The following ROBO1 variants were observed in gnomAD, a reference collection of about 807,000 sequenced individuals.
The protein encoded by ROBO1 is roundabout homolog 1.
In ROBO1, 149 loss-of-function variants were observed where a neutral mutation model predicts 195.9. The observed-to-expected ratio is 0.76, with a 90% CI of 0.67 to 0.87. ROBO1 has a LOEUF of 0.87. Ranked by LOEUF, ROBO1 falls within the 40% of genes least tolerant of loss-of-function variation. ROBO1 has a pLI of 0.00. For missense variants in ROBO1, 1,933 were observed against 2,068.3 expected (o/e 0.93, Z 1.27); for synonymous variants, 816 against 733.2 (o/e 1.11, Z -1.82).
intron 2 of ROBO1, among the ~76,000 whole-genome samples, chr3:79,129,196 A>G (rs547299437): frequency 3.5e-4 from 53 of 152,266 alleles, no homozygotes; most frequent in African/African-American, 1.3e-3. Flanking sequence ...GTCCCTACCT[A>G]TGTTACATAT....
intron 3 of ROBO1, among the ~76,000 whole-genome samples, chr3:79,125,190 A>C (rs919429285): frequency 6.6e-6 from 1 of 152,228 alleles, no homozygotes; most frequent in Non-Finnish European, 1.5e-5. Context: ...TAGCAGTATC[A>C]AAGTTTCAGA....
chr3:78,928,737 T>C (rs1417034214), intron 4 of ROBO1, among the ~76,000 whole-genome samples: 1 of 152,214 alleles, frequency 6.6e-6, no homozygotes, highest in African/African-American at 2.4e-5. Context: ...GATTGCAACC[T>C]GTACTACACT....
chr3:78,970,417 T>C (rs2076737512), intron 3 of ROBO1, among the ~76,000 whole-genome samples: 1 of 152,152 alleles, frequency 6.6e-6, no homozygotes, highest in African/African-American at 2.4e-5. Flanking sequence ...AACAGCTCTT[T>C]TATCACAGGC....
chr3:79,662,759 G>A (rs886951369), intron 1 of ROBO1, among the ~76,000 whole-genome samples: 2 of 151,968 alleles, frequency 1.3e-5, no homozygotes, highest in Admixed American at 6.6e-5. Context: ...TGGAACAATG[G>A]CAGCGAATAT....
At chr3:79,716,057 T>C (rs1169839871) in intron 1 of ROBO1, among the ~76,000 whole-genome samples, 1 of 152,074 alleles carries the variant, frequency 6.6e-6, no homozygotes, top group Non-Finnish European at 1.5e-5. Context: ...AATTCCCCTT[T>C]ATAAAAAGTT....
chr3:79,515,606 A>G (rs935700356), intron 2 of ROBO1, among the ~76,000 whole-genome samples: 1 of 152,230 alleles, frequency 6.6e-6, no homozygotes, highest in Non-Finnish European at 1.5e-5. Flanking sequence ...TTCTCTCTAT[A>G]TATAGATTTA....
At position 79,621,179 on chromosome 3, in the gene ROBO1, C is replaced by T. The variant is rs914825675; in HGVS notation, c.-50-31218G>A. On this transcript the variant is annotated intron_variant, in intron 1 of 30. Coordinates refer to ENST00000464233, the MANE Select transcript of ROBO1 (RefSeq NM_002941.4). ...CCTGGTCTGTACTGCTGCAAGGCTT[C>T]AGGGACAGCCCTCATTACTTCAGTC... Among the ~76,000 whole-genome samples, 3 of 152,276 alleles carry T rather than the reference C, an allele frequency of 2.0e-5. No homozygotes were observed. The East Asian group carries it at 5.8e-4, about 29-fold the overall frequency.
chr3:79,378,139 ATC>A (rs1476785629), intron 2 of ROBO1, among the ~76,000 whole-genome samples: 3 of 143,836 alleles, frequency 2.1e-5, no homozygotes, highest in African/African-American at 8.2e-5. Flanking sequence ...AACATACTAA[ATC>A]TCTCTTATGG....
At position 79,714,898 on chromosome 3, in the gene ROBO1, AAAT is replaced by A. The variant is rs1232431688; in HGVS notation, c.-51+52851_-51+52853del. ...AGCATTAGGAGATATACCTAATGCTAAATAATGAGTTAATGGGTGCAGCACACC... is the reference window on the plus strand; with the variant it reads ...AGCATTAGGAGATATACCTAATGCTAAATGAGTTAATGGGTGCAGCACACC... On this transcript the variant is annotated intron_variant, in intron 1 of 30. Transcript: ENST00000464233. Among the ~76,000 whole-genome samples the A allele has an allele frequency of 7.3e-5, 11 of 150,466 alleles. No individual in the cohort carries two copies. In the East Asian group the frequency reaches 2.2e-3, roughly 30 times the overall value.
chr3:78,823,076 C>T (rs912840930), intron 4 of ROBO1, among the ~76,000 whole-genome samples: 1 of 152,122 alleles, frequency 6.6e-6, no homozygotes, highest in African/African-American at 2.4e-5. Flanking sequence ...AATGGCAAAA[C>T]TGAAATGCTG....
chr3:78,657,089 G>T lies in ROBO1; in HGVS notation c.2614+9C>A, dbSNP rs1380135120. 6.3e-7 allele frequency: 1 copy of T among 1,597,732 alleles called. No individual in the cohort carries two copies. The highest frequency in any genetic ancestry group is 1.3e-5 in the African/African-American group (1 of 74,640). The stretch of plus-strand genomic sequence containing the variant: ...GAGATTGTCAAACTGGATCTGCACT[G>T]ACACTCACCCAGCTGGATGAACTGA... On this transcript the variant is annotated intron_variant, in intron 18 of 30. Coordinates refer to ENST00000464233, the MANE Select transcript of ROBO1 (RefSeq NM_002941.4).
At chr3:78,757,765 T>A (rs1203381311) in intron 4 of ROBO1, among the ~76,000 whole-genome samples, 1 of 152,162 alleles carries the variant, frequency 6.6e-6, no homozygotes, top group African/African-American at 2.4e-5. Flanking sequence ...AATATTTCAG[T>A]GATAGAAAAA....
intron 3 of ROBO1, among the ~76,000 whole-genome samples, chr3:78,945,026 C>T (rs2040347774): frequency 6.6e-6 from 1 of 152,190 alleles, no homozygotes; most frequent in Non-Finnish European, 1.5e-5. Context: ...CCGGGAAGCT[C>T]AAACTGGGTG....
chr3:78,723,510 C>T (rs1368535571), intron 5 of ROBO1, among the ~76,000 whole-genome samples: 1 of 152,136 alleles, frequency 6.6e-6, no homozygotes, highest in East Asian at 1.9e-4. Context: ...CAGCATAAGA[C>T]TTAGAAACAA....
Position 79,477,432 on chromosome 3 carries a change from G to C in ROBO1, c.88+112392C>G, listed in dbSNP as rs139531930. Among the ~76,000 whole-genome samples, 522 of 152,282 alleles carry C rather than the reference G, an allele frequency of 3.4e-3. 2 individuals carry two copies. The highest frequency in any genetic ancestry group is 0.012 in the African/African-American group (499 of 41,560). On this transcript the variant is annotated intron_variant, in intron 2 of 30. Coordinates refer to ENST00000464233, the MANE Select transcript of ROBO1 (RefSeq NM_002941.4). The stretch of plus-strand genomic sequence containing the variant: ...TTGAATAGGTATAATGAGGATTTAT[G>C]AGGGTAAACAGTAAGTCCTTGAACA...
At chr3:79,417,977 C>T (rs2038073677) in intron 2 of ROBO1, among the ~76,000 whole-genome samples, 1 of 152,082 alleles carries the variant, frequency 6.6e-6, no homozygotes, top group Non-Finnish European at 1.5e-5. Context: ...CTATCTCACA[C>T]AAAATGGCCT....
intron 4 of ROBO1, among the ~76,000 whole-genome samples, chr3:78,884,529 A>G (rs1460018314): frequency 6.6e-6 from 1 of 151,512 alleles, no homozygotes; most frequent in Admixed American, 6.6e-5. Flanking sequence ...AGATGGGAGG[A>G]TTGCCCCTCA....
At chr3:79,626,304 G>T (rs1945177641) in intron 1 of ROBO1, among the ~76,000 whole-genome samples, 1 of 152,092 alleles carries the variant, frequency 6.6e-6, no homozygotes, top group Admixed American at 6.5e-5. Context: ...AGTTAGCTGG[G>T]TGTGGTGGTG....
intron 2 of ROBO1, among the ~76,000 whole-genome samples, chr3:79,550,892 G>T (rs1403948004): frequency 6.6e-6 from 1 of 152,150 alleles, no homozygotes; most frequent in East Asian, 1.9e-4. Context: ...TTGTTAAGAA[G>T]TAGGACCTTT....
Sources: allele counts gnomAD v4.1 joint callset (sites outside exome capture counted in the v4.1 genomes callset), GRCh38; gene constraint gnomAD v4.1.1; transcripts MANE v1.5; gene names NCBI Gene and HGNC (gene_info 2026-07-23, HGNC 2026-07-21).